The following DNAH9 variants were observed in gnomAD, a reference collection of about 807,000 sequenced individuals.
DNAH9 encodes the protein DNAH9 variant protein.
In DNAH9, 345 loss-of-function variants were observed where a neutral mutation model predicts 471.6. The observed-to-expected ratio is 0.73, with a 90% CI of 0.67 to 0.80. The LOEUF is 0.80. Ranked by LOEUF, DNAH9 falls within the 30% of genes least tolerant of loss-of-function variation. The pLI is 0.00. For synonymous variants in DNAH9, 2,093 were observed against 2,123.6 expected, an observed-to-expected ratio of 0.99 and a Z score of 0.40; for missense variants, 5,407 against 5,609.2, an observed-to-expected ratio of 0.96 and a Z score of 1.15.
chr17:11,867,800 T>C (rs1314168398), intron 50 of DNAH9, among the ~76,000 whole-genome samples: 1 of 152,256 alleles, frequency 6.6e-6, no homozygotes, highest in Non-Finnish European at 1.5e-5. Flanking sequence ...GGCACCTTTA[T>C]TCTCTGCCTC....
At chr17:11,742,974 C>A (rs2075454078) in intron 30 of DNAH9, among the ~76,000 whole-genome samples, 1 of 152,138 alleles carries the variant, frequency 6.6e-6, no homozygotes, top group African/African-American at 2.4e-5. Context: ...TCATTGTATC[C>A]CCTCTCTAGG....
chr17:11,748,825 G>C (rs1185306628), intron 32 of DNAH9, among the ~76,000 whole-genome samples: 1 of 152,110 alleles, frequency 6.6e-6, no homozygotes, highest in African/African-American at 2.4e-5. Context: ...GTAGCTTCTG[G>C]AATGAGGAAA....
At chr17:11,935,152 G>A (rs566244692) in intron 65 of DNAH9, among the ~76,000 whole-genome samples, 2 of 151,712 alleles carry the variant, frequency 1.3e-5, no homozygotes, top group African/African-American at 4.8e-5. Context: ...AGTGGAGACG[G>A]GGTTTCATCG....
At chr17:11,918,205 TTTTTGTTTTGTTTTGTTTTG>T (rs200370741) in intron 61 of DNAH9, among the ~76,000 whole-genome samples, 3 of 147,776 alleles carry the variant, frequency 2.0e-5, no homozygotes, top group Non-Finnish European at 4.5e-5. Context: ...GTTGGGTGTT[TTTTTGTTTTGTTTTGTTTTG>T]TTTTGTTTTG....
At chr17:11,804,321 A>G (rs1306809847) in intron 43 of DNAH9, among the ~76,000 whole-genome samples, 2 of 152,236 alleles carry the variant, frequency 1.3e-5, no homozygotes, top group Non-Finnish European at 2.9e-5. Context: ...ACCACATCCA[A>G]CTTTAAGACC....
At chr17:11,615,120 T>C (rs192937535) in intron 4 of DNAH9, among the ~76,000 whole-genome samples, 34 of 152,302 alleles carry the variant, frequency 2.2e-4, no homozygotes, top group African/African-American at 8.2e-4. Flanking sequence ...GAAGTCAAAT[T>C]GGTAGCCTAG....
At position 11,712,028 on chromosome 17, in the gene DNAH9, ATATATTTATATATATT is replaced by A. The variant is rs1461332979; in HGVS notation, c.5552+6849_5552+6864del. 2.1e-3 allele frequency among the ~76,000 whole-genome samples: 29 copies of A among 13,718 alleles called. 7 individuals are homozygous for A. Among genetic ancestry groups the A allele is most frequent in the Admixed American group, 0.018 (9 of 504 alleles). The allele number at this position is 13,718 out of a possible 152,430, so 9.0% of individuals were successfully genotyped here. On this transcript the variant is annotated intron_variant, in intron 26 of 68. Transcript: ENST00000262442. Reference sequence around the variant, plus strand: ...TGTATATATATTTATATATAAATATATATATTTATATATATTTATATATAAATATATATATTTGTAT... The same window carrying A: ...TGTATATATATTTATATATAAATATATATATATAAATATATATATTTGTAT...
chr17:11,967,034 C>CAAAAAA (rs375839377), intron 68 of DNAH9, among the ~76,000 whole-genome samples: 4 of 65,098 alleles, frequency 6.1e-5, no homozygotes, highest in Non-Finnish European at 6.1e-5. Context: ...GACTCCATCT[C>CAAAAAA]AAAAAAAAAA....
chr17:11,770,485 C>G (rs1177319333), intron 38 of DNAH9, among the ~76,000 whole-genome samples: 1 of 152,164 alleles, frequency 6.6e-6, no homozygotes, highest in Non-Finnish European at 1.5e-5. Flanking sequence ...CTCAGAGCAG[C>G]TAGGTGCCTG....
rs147597619 is a variant in DNAH9, at chr17:11,814,516, T to G, written c.8707+4147T>G. Among the ~76,000 whole-genome samples the G allele has an allele frequency of 7.7e-4, 117 of 152,360 alleles. 3 individuals carry two copies. In the East Asian group the frequency reaches 0.022, roughly 29 times the overall value. ...ATTCATTTTCCTGTCCCAGGCTAGA[T>G]GACTTTCTATGTATTCATATATTCA... On this transcript the variant is annotated intron_variant, in intron 45 of 68. Transcript: ENST00000262442.
intron 6 of DNAH9, among the ~76,000 whole-genome samples, chr17:11,621,368 A>G (rs60246492): frequency 0.016 from 2,182 of 137,702 alleles, 62 homozygotes; most frequent in African/African-American, 0.055. Flanking sequence ...AGATCGCGCC[A>G]TTGCACTCCA....
chr17:11,612,207 A>C, intron 4 of DNAH9: 1 of 368,194 alleles, frequency 2.7e-6, no homozygotes, highest in South Asian at 3.5e-5. Context: ...TGTGTGACCA[A>C]CTCCAGGGTG....
intron 57 of DNAH9, among the ~76,000 whole-genome samples, chr17:11,891,192 G>A (rs1973038349): frequency 6.6e-6 from 1 of 152,124 alleles, no homozygotes; most frequent in Admixed American, 6.5e-5. Context: ...TTGCAGGAAG[G>A]GTCCATGAGA....
At chr17:11,736,811 G>C (rs1398470508) in intron 28 of DNAH9, among the ~76,000 whole-genome samples, 1 of 152,214 alleles carries the variant, frequency 6.6e-6, no homozygotes, top group Non-Finnish European at 1.5e-5. Context: ...TGTTTCGAGA[G>C]AGAATGCTGA....
Position 11,880,108 on chromosome 17 carries a change from A to C in DNAH9, c.10509A>C (p.Glu3503Asp). The C allele has an allele frequency of 1.2e-6, 2 of 1,614,042 alleles. No homozygotes were observed. Among genetic ancestry groups the C allele is most frequent in the Non-Finnish European group, 1.7e-6 (2 of 1,179,944 alleles). ...GYLQIIEQAL[E>D]AGAVVLIENL... ...TTCAAATCATAGAGCAGGCCCTGGA[A>C]GCTGGAGCTGTGGTGCTGATTGAAA... The change falls in exon 54 of 69, where the codon GAA becomes GAC. Residue 3503 changes from glutamate to aspartate, a missense_variant. Around this residue, in one of 3 missense-constraint regions of DNAH9, gnomAD observed 4,636 missense variants for 4,900.3 expected, o/e 0.95. Transcript: ENST00000262442.
In DNAH9 at chr17:11,617,444, T is replaced by G. The variant is rs938503386; in HGVS notation, c.938T>G (p.Leu313Arg). 1.2e-6 allele frequency: 2 copies of G among 1,614,092 alleles called. No individual in the cohort carries two copies. The highest frequency in any genetic ancestry group is 2.7e-5 in the African/African-American group (2 of 74,946). The change falls in exon 5 of 69, where the codon CTG (leucine) becomes CGG (arginine). Residue 313 changes from leucine (L) to arginine (R), a missense_variant. Around this residue, in one of 3 missense-constraint regions of DNAH9, gnomAD observed 767 missense variants for 692.5 expected, o/e 1.11. Coordinates refer to ENST00000262442, the MANE Select transcript of DNAH9 (RefSeq NM_001372.4). ...LAEAQDIHVH[L>R]IPLQRHLEAL... Reference sequence around the variant, plus strand: ...GAGGCACAGGACATCCATGTGCACCTGATACCGCTCCAGCGCCACCTGGAA... The same window carrying G: ...GAGGCACAGGACATCCATGTGCACCGGATACCGCTCCAGCGCCACCTGGAA...
chr17:11,767,789 A>G (rs1481662958), intron 36 of DNAH9, among the ~76,000 whole-genome samples: 2 of 152,074 alleles, frequency 1.3e-5, no homozygotes, highest in African/African-American at 4.8e-5. Flanking sequence ...TCTAATAGGT[A>G]TGCATGCAAA....
intron 29 of DNAH9, among the ~76,000 whole-genome samples, chr17:11,741,066 T>C (rs992379807): frequency 6.6e-6 from 1 of 152,222 alleles, no homozygotes; most frequent in African/African-American, 2.4e-5. Context: ...TATTTACCCA[T>C]ATGTTCAGGT....
chr17:11,822,009 A>G lies in DNAH9; in HGVS notation c.8797A>G (p.Asn2933Asp), dbSNP rs1167473976. The G allele has an allele frequency of 1.2e-6, 2 of 1,614,172 alleles. No homozygotes were observed. Among genetic ancestry groups the G allele is most frequent in the East Asian group, 4.5e-5 (2 of 44,878 alleles). ...AGTCAAGAGCCAGGGTCTGGTTGAC[A>G]ACAGAGAGAACTGTTGGAAGTTCTT... ...NEVKSQGLVD[N>D]RENCWKFFID... Residue 2933 changes from asparagine (N) to aspartate (D), a missense_variant, in exon 46 of 69, where the codon AAC (asparagine) becomes GAC (aspartate). Asn to Asp is a conservative substitution (Grantham distance 23). This residue lies in a region of DNAH9 where 4,636 missense variants were observed against 4,900.3 expected (regional missense o/e 0.95). Coordinates refer to ENST00000262442, the MANE Select transcript of DNAH9 (RefSeq NM_001372.4).
Sources: allele counts gnomAD v4.1 joint callset (sites outside exome capture counted in the v4.1 genomes callset), GRCh38; gene constraint gnomAD v4.1.1; regional missense constraint gnomAD v4.1.1; transcripts MANE v1.5; gene names NCBI Gene and HGNC (gene_info 2026-07-23, HGNC 2026-07-21).